Variants in TMEM178B observed in about 807,000 individuals in gnomAD.
TMEM178B encodes the protein transmembrane protein 178B.
Under a neutral mutation model 31.0 loss-of-function variants are expected in TMEM178B, and 5 were observed. The observed-to-expected ratio is 0.16, with a 90% CI of 0.08 to 0.34. The LOEUF (loss-of-function observed/expected upper bound fraction) is 0.34. Ranked by LOEUF, TMEM178B falls within the 10% of genes least tolerant of loss-of-function variation. The pLI is 1.00. For missense variants in TMEM178B, 275 were observed against 400.3 expected (o/e 0.69, Z 2.67); for synonymous variants, 164 against 164.0 (o/e 1.00, Z 0.00).
chr7:141,383,679 A>G (rs1468576711), intron 2 of TMEM178B, among the ~76,000 whole-genome samples: 1 of 152,156 alleles, frequency 6.6e-6, no homozygotes, highest in Non-Finnish European at 1.5e-5. Context: ...CAATAAACAT[A>G]CGTGTGCTTG....
Position 141,196,726 on chromosome 7 carries a change from A to C in TMEM178B, c.383-15865A>C, listed in dbSNP as rs187520980. Among the ~76,000 whole-genome samples, 28 of 152,202 alleles carry C rather than the reference A, an allele frequency of 1.8e-4. No individual in the cohort carries two copies. The East Asian group carries it at 5.2e-3, about 28-fold the overall frequency. On this transcript the variant is annotated intron_variant, in intron 1 of 3. Coordinates refer to ENST00000565468, the MANE Select transcript of TMEM178B (RefSeq NM_001195278.2). Reference sequence around the variant, plus strand: ...TATTTGGTGCTGAGCAGCTGCAGCCATGTTTCTGCTTTCATGTCTTGGGGA... The same window carrying C: ...TATTTGGTGCTGAGCAGCTGCAGCCCTGTTTCTGCTTTCATGTCTTGGGGA...
chr7:141,112,358 T>A (rs1023367439), intron 1 of TMEM178B, among the ~76,000 whole-genome samples: 5 of 152,138 alleles, frequency 3.3e-5, no homozygotes, highest in Admixed American at 6.5e-5. Flanking sequence ...GCTCAAGCAA[T>A]CCTCTCACCT....
At chr7:141,349,655 G>T (rs1799678953) in intron 2 of TMEM178B, among the ~76,000 whole-genome samples, 1 of 152,170 alleles carries the variant, frequency 6.6e-6, no homozygotes, top group Non-Finnish European at 1.5e-5. Context: ...TCGTTTCATG[G>T]AACAAAGGAA....
intron 2 of TMEM178B, among the ~76,000 whole-genome samples, chr7:141,305,961 T>C (rs1224667423): frequency 6.6e-6 from 1 of 152,182 alleles, no homozygotes; most frequent in Non-Finnish European, 1.5e-5. Context: ...GTCGTAGCCA[T>C]GTATGTACTT....
chr7:141,460,065 C>T (rs1433319169), intron 3 of TMEM178B, among the ~76,000 whole-genome samples: 1 of 152,206 alleles, frequency 6.6e-6, no homozygotes, highest in Non-Finnish European at 1.5e-5. Flanking sequence ...ATTCTTATTT[C>T]ATCCTGTGTT....
intron 2 of TMEM178B, among the ~76,000 whole-genome samples, chr7:141,359,453 A>G (rs1222295940): frequency 1.3e-5 from 2 of 152,176 alleles, no homozygotes; most frequent in Non-Finnish European, 2.9e-5. Flanking sequence ...AATCTCTCCT[A>G]ATTGACCCAT....
chr7:141,404,880 C>A, intron 2 of TMEM178B, among the ~76,000 whole-genome samples: 1 of 152,176 alleles, frequency 6.6e-6, no homozygotes, highest in South Asian at 2.1e-4. Context: ...ATGTCTTGTC[C>A]AGCGCTGTAT....
At chr7:141,383,683 G>A (rs1800373206) in intron 2 of TMEM178B, among the ~76,000 whole-genome samples, 2 of 152,144 alleles carry the variant, frequency 1.3e-5, no homozygotes, top group Admixed American at 1.3e-4. Context: ...AAACATACGT[G>A]TGCTTGTATC....
chr7:141,336,909 T>TCACCACCACCACCACCAC, intron 2 of TMEM178B, among the ~76,000 whole-genome samples: 2 of 46,774 alleles, frequency 4.3e-5, no homozygotes, highest in South Asian at 1.9e-3. Context: ...ACCACCATCA[T>TCACCACCACCACCACCAC]CACCACCACC....
intron 2 of TMEM178B, among the ~76,000 whole-genome samples, chr7:141,353,599 C>T (rs1799771311): frequency 6.6e-6 from 1 of 152,204 alleles, no homozygotes; most frequent in African/African-American, 2.4e-5. Flanking sequence ...TCAAAACATA[C>T]ACTATTACTG....
intron 1 of TMEM178B, among the ~76,000 whole-genome samples, chr7:141,132,256 G>A (rs1257878104): frequency 6.6e-6 from 1 of 152,092 alleles, no homozygotes; most frequent in Non-Finnish European, 1.5e-5. Flanking sequence ...TACCATTTCT[G>A]TTGGATTTTT....
At chr7:141,437,860 A>C (rs1183591903) in intron 3 of TMEM178B, 115 bp downstream of exon 3, 8 of 1,389,904 alleles carry the variant, frequency 5.8e-6, no homozygotes, top group Non-Finnish European at 7.7e-6. Context: ...TGGGGTTCTC[A>C]TTCACTCATC....
At chr7:141,147,552 C>T (rs527291779) in intron 1 of TMEM178B, among the ~76,000 whole-genome samples, 15 of 151,992 alleles carry the variant, frequency 9.9e-5, no homozygotes, top group Admixed American at 4.6e-4. Context: ...TCAAGGCAAG[C>T]GATGAAGAGG....
rs185823527 is a variant in TMEM178B at position 141,277,365 on chromosome 7, C to G, written c.496+64661C>G. On this transcript the variant is annotated intron_variant, in intron 2 of 3. Transcript: ENST00000565468. ...AAAACAAAGATACACATACATTAGC[C>G]TAGGCCTGCATAGGGTTGGGATCAT... Among the ~76,000 whole-genome samples, 196 of 151,974 alleles carry G rather than the reference C, an allele frequency of 1.3e-3. 1 individual carries two copies. Among genetic ancestry groups the G allele is most frequent in the East Asian group, 7.7e-4 (4 of 5,172 alleles).
intron 2 of TMEM178B, among the ~76,000 whole-genome samples, chr7:141,222,363 A>G (rs917641117): frequency 6.6e-6 from 1 of 152,210 alleles, no homozygotes; most frequent in Non-Finnish European, 1.5e-5. Flanking sequence ...GGAGTCCAGC[A>G]GATATTGGAT....
At chr7:141,316,164 C>A (rs981146682) in intron 2 of TMEM178B, among the ~76,000 whole-genome samples, 1 of 152,096 alleles carries the variant, frequency 6.6e-6, no homozygotes, top group Non-Finnish European at 1.5e-5. Flanking sequence ...CACAACTTGG[C>A]CCTGTTGACT....
intron 2 of TMEM178B, among the ~76,000 whole-genome samples, chr7:141,425,529 G>A (rs1801296700): frequency 6.6e-6 from 1 of 152,204 alleles, no homozygotes; most frequent in Non-Finnish European, 1.5e-5. Flanking sequence ...CTGGTTGGCT[G>A]AGCTGCAGTT....
At chr7:141,456,092 T>C (rs1165083640) in intron 3 of TMEM178B, among the ~76,000 whole-genome samples, 1 of 152,224 alleles carries the variant, frequency 6.6e-6, no homozygotes, top group Non-Finnish European at 1.5e-5. Context: ...TAATGACATC[T>C]AATGGTCTCA....
At chr7:141,505,833 A>C in the TMEM178B span, among the ~76,000 whole-genome samples, 1 of 152,140 alleles carries the variant, frequency 6.6e-6, no homozygotes, top group Non-Finnish European at 1.5e-5. Context: ...TCTTCACTCA[A>C]ACTTTATCTC....
Sources: gnomAD v4.1 joint callset for allele counts (sites outside exome capture counted in the v4.1 genomes callset) on GRCh38, gnomAD v4.1.1 for gene constraint, MANE v1.5 for transcripts, NCBI Gene and HGNC (gene_info 2026-07-23, HGNC 2026-07-21) for gene names.